The following NEGR1 variants were observed in gnomAD, a reference collection of about 807,000 sequenced individuals.
The protein encoded by NEGR1 is IgLON family member 4.
Under a neutral mutation model 40.9 loss-of-function variants are expected in NEGR1, and 10 were observed. The observed-to-expected ratio is 0.24, with a 90% CI of 0.15 to 0.42. NEGR1 has a LOEUF of 0.42. Ranked by LOEUF, NEGR1 falls within the 10% of genes least tolerant of loss-of-function variation. The pLI, the probability that NEGR1 is intolerant of heterozygous loss-of-function variation, is 1.00. For synonymous variants in NEGR1, 185 were observed against 166.8 expected (o/e 1.11, Z -0.84); for missense variants, 352 against 438.9 (o/e 0.80, Z 1.77).
intron 1 of NEGR1, among the ~76,000 whole-genome samples, chr1:72,096,647 CTTTTA>C (rs3080211): frequency 1.0e-4 from 15 of 149,254 alleles, no homozygotes; most frequent in South Asian, 4.2e-4. Context: ...GTATCTTTTA[CTTTTA>C]TTTTATTTTA....
intron 2 of NEGR1, among the ~76,000 whole-genome samples, chr1:71,865,629 A>T (rs913486262): frequency 2.6e-5 from 4 of 152,140 alleles, no homozygotes; most frequent in African/African-American, 9.7e-5. Flanking sequence ...GAGGGATAGC[A>T]TTAGGAGAAA....
chr1:71,567,960 C>T (rs1648676840), intron 6 of NEGR1, among the ~76,000 whole-genome samples: 1 of 152,080 alleles, frequency 6.6e-6, no homozygotes, highest in Admixed American at 6.6e-5. Flanking sequence ...TAATCTCAGA[C>T]TTTCAGTCTC....
intron 1 of NEGR1, among the ~76,000 whole-genome samples, chr1:72,003,877 G>C (rs896524520): frequency 6.6e-6 from 1 of 152,040 alleles, no homozygotes; most frequent in Non-Finnish European, 1.5e-5. Flanking sequence ...GCATTGTACT[G>C]TTAACCCAGT....
At chr1:71,954,623 T>C (rs1646103875) in intron 1 of NEGR1, among the ~76,000 whole-genome samples, 2 of 152,030 alleles carry the variant, frequency 1.3e-5, no homozygotes, top group Non-Finnish European at 2.9e-5. Context: ...AAATATGTTA[T>C]AAACTCAGAT....
intron 1 of NEGR1, among the ~76,000 whole-genome samples, chr1:71,939,788 C>A (rs1645942611): frequency 6.6e-6 from 1 of 151,074 alleles, no homozygotes. Context: ...ACTTCCGAAA[C>A]CCTTTTAAAC....
chr1:71,836,850 C>A (rs1332821574), intron 2 of NEGR1: 1 of 151,848 alleles, frequency 6.6e-6, no homozygotes, highest in Non-Finnish European at 1.5e-5. Flanking sequence ...GACTAAATAC[C>A]CTTCAGAGGC....
chr1:71,898,661 GT>G (rs71074811), intron 2 of NEGR1, among the ~76,000 whole-genome samples: 1 of 130,458 alleles, frequency 7.7e-6, no homozygotes, highest in Non-Finnish European at 1.8e-5. Context: ...AAACTGCTTT[GT>G]TTTTTTTTCA....
At chr1:72,085,183 G>A (rs1449732229) in intron 1 of NEGR1, among the ~76,000 whole-genome samples, 1 of 152,154 alleles carries the variant, frequency 6.6e-6, no homozygotes, top group Admixed American at 6.6e-5. Context: ...AGACAGAAAT[G>A]CATGTAATGC....
chr1:72,062,033 T>C (rs1647184881), intron 1 of NEGR1, among the ~76,000 whole-genome samples: 1 of 151,880 alleles, frequency 6.6e-6, no homozygotes, highest in Non-Finnish European at 1.5e-5. Context: ...AGTTTCCAAA[T>C]AGCCAGCACT....
chr1:71,860,112 C>A (rs1305152884), intron 2 of NEGR1, among the ~76,000 whole-genome samples: 1 of 151,782 alleles, frequency 6.6e-6, no homozygotes, highest in Non-Finnish European at 1.5e-5. Flanking sequence ...ACCCTGTTAT[C>A]CTTACAAATG....
At chr1:71,895,545 TAAC>T (rs1430682389) in intron 2 of NEGR1, among the ~76,000 whole-genome samples, 1 of 152,182 alleles carries the variant, frequency 6.6e-6, no homozygotes, top group Non-Finnish European at 1.5e-5. Flanking sequence ...AATGGAATAA[TAAC>T]ATTTGTGGTC....
intron 2 of NEGR1, among the ~76,000 whole-genome samples, chr1:71,844,684 G>A (rs930655250): frequency 2.6e-5 from 4 of 152,120 alleles, no homozygotes; most frequent in Admixed American, 6.6e-5. Context: ...AGGATACTAC[G>A]CCTCAGGCTT....
chr1:71,670,702 C>A (rs577825581), intron 4 of NEGR1, among the ~76,000 whole-genome samples: 74 of 152,188 alleles, frequency 4.9e-4, no homozygotes, highest in African/African-American at 1.7e-3. Context: ...CCAGTATTTT[C>A]TTTCTTGGAT....
intron 1 of NEGR1, among the ~76,000 whole-genome samples, chr1:72,099,306 A>G (rs115795086): frequency 6.6e-6 from 1 of 151,950 alleles, no homozygotes; most frequent in Non-Finnish European, 1.5e-5. Flanking sequence ...TGCTTTTCCT[A>G]TCCTAGCTTA....
intron 2 of NEGR1, among the ~76,000 whole-genome samples, chr1:71,852,179 A>G (rs147606034): frequency 2.0e-5 from 3 of 152,240 alleles, no homozygotes; most frequent in African/African-American, 7.2e-5. Context: ...CAGAAAGTCA[A>G]TGCTACATAA....
At chr1:72,124,676 A>G (rs1649941771) in intron 1 of NEGR1, among the ~76,000 whole-genome samples, 1 of 152,088 alleles carries the variant, frequency 6.6e-6, no homozygotes, top group Non-Finnish European at 1.5e-5. Context: ...GTTAATAACT[A>G]TCTTATGTAT....
intron 2 of NEGR1, among the ~76,000 whole-genome samples, chr1:71,814,600 G>T (rs1399559383): frequency 1.3e-5 from 2 of 152,032 alleles, no homozygotes; most frequent in East Asian, 1.9e-4. Flanking sequence ...CTTATTATTG[G>T]TCTATTCAGG....
At chr1:71,727,949 A>G (rs563689621) in intron 3 of NEGR1, among the ~76,000 whole-genome samples, 3 of 152,278 alleles carry the variant, frequency 2.0e-5, no homozygotes, top group African/African-American at 7.2e-5. Flanking sequence ...TGGGATTAGA[A>G]AGAGACACAT....
At chr1:71,407,657 G>A (rs550215921) in intron 6 of NEGR1, 87 bp from the exon 7 acceptor site, 61 of 1,310,734 alleles carry the variant, frequency 4.7e-5, no homozygotes, top group Non-Finnish European at 6.1e-5. Flanking sequence ...CAGGTGCATC[G>A]GGGAAAGCAC....
Sources: allele counts gnomAD v4.1 joint callset (sites outside exome capture counted in the v4.1 genomes callset), GRCh38; gene constraint gnomAD v4.1.1; transcripts MANE v1.5; gene names NCBI Gene and HGNC (gene_info 2026-07-23, HGNC 2026-07-21).